TANGO6: variants seen among roughly 807,000 people sequenced by gnomAD.
TANGO6 encodes transport and golgi organization 6 homolog.
Under a neutral mutation model 114.2 loss-of-function variants are expected in TANGO6, and 90 were observed. The ratio of observed to expected loss-of-function variants is 0.79; its 90% confidence interval spans 0.66 to 0.94. TANGO6 has a LOEUF of 0.94. TANGO6 is among the 40% of genes least tolerant of loss of function. The pLI is 0.00. For synonymous variants in TANGO6, 477 were observed against 509.8 expected, an observed-to-expected ratio of 0.94 and a Z score of 0.87; for missense variants, 1,274 against 1,315.3, an observed-to-expected ratio of 0.97 and a Z score of 0.49.
At chr16:69,008,191 C>T (rs754360546) in intron 15 of TANGO6, among the ~76,000 whole-genome samples, 5 of 151,944 alleles carry the variant, frequency 3.3e-5, no homozygotes, top group Non-Finnish European at 7.4e-5. Flanking sequence ...AGCAGAAAAT[C>T]GAGAGAGTTT....
chr16:68,919,364 ATTC>A, intron 12 of TANGO6, 145 bp downstream of exon 12: 1 of 1,129,686 alleles, frequency 8.9e-7, no homozygotes, highest in Admixed American at 2.8e-5. Context: ...GTTAATGAGA[ATTC>A]TCTCCAAAGT....
intron 4 of TANGO6, among the ~76,000 whole-genome samples, chr16:68,874,184 A>G (rs58536198): frequency 0.098 from 14,920 of 152,230 alleles, 824 homozygotes; most frequent in Non-Finnish European, 0.13. Context: ...CTCTCTCTAC[A>G]TGTAACTTCC....
chr16:69,029,919 C>G (rs895123581), intron 16 of TANGO6, among the ~76,000 whole-genome samples: 16 of 151,576 alleles, frequency 1.1e-4, no homozygotes, highest in African/African-American at 3.9e-4. Context: ...ACCAGCCTGG[C>G]CAACATGGTT....
chr16:68,888,392 G>A (rs1412539214), intron 7 of TANGO6, among the ~76,000 whole-genome samples: 1 of 152,190 alleles, frequency 6.6e-6, no homozygotes, highest in East Asian at 1.9e-4. Context: ...ATGTAAGAGA[G>A]TTATAATGCC....
intron 7 of TANGO6, among the ~76,000 whole-genome samples, chr16:68,882,276 C>G (rs1421508803): frequency 6.6e-6 from 1 of 152,024 alleles, no homozygotes; most frequent in African/African-American, 2.4e-5. Context: ...GCGGGCAGAT[C>G]ACGAGGTCAG....
chr16:68,950,572 A>T (rs1230179337), intron 14 of TANGO6, among the ~76,000 whole-genome samples: 1 of 151,180 alleles, frequency 6.6e-6, no homozygotes, highest in East Asian at 1.9e-4. Context: ...TTTAAAAAAA[A>T]AATTTAGGAT....
chr16:68,927,539 G>A, intron 12 of TANGO6, 29 bp from the exon 13 acceptor site: 1 of 1,600,710 alleles, frequency 6.2e-7, no homozygotes, highest in Non-Finnish European at 8.5e-7. Context: ...TGTTAATTTG[G>A]GTTTGACATT....
chr16:68,948,974 G>T (rs1171385639), intron 14 of TANGO6, among the ~76,000 whole-genome samples: 1 of 152,158 alleles, frequency 6.6e-6, no homozygotes, highest in Non-Finnish European at 1.5e-5. Context: ...ATCACCTGAG[G>T]TCGGGAGTTC....
chr16:68,882,911 A>G (rs945212119), intron 7 of TANGO6, among the ~76,000 whole-genome samples: 5 of 152,016 alleles, frequency 3.3e-5, no homozygotes, highest in Non-Finnish European at 7.4e-5. Flanking sequence ...CGAGCTACTC[A>G]GGAGGCTGAG....
chr16:68,896,846 G>T (rs983931238), intron 7 of TANGO6, among the ~76,000 whole-genome samples: 6 of 152,084 alleles, frequency 3.9e-5, no homozygotes, highest in Non-Finnish European at 7.4e-5. Context: ...CTATGTCTCT[G>T]TTTCTATCCG....
At chr16:68,945,946 A>G (rs976695658) in intron 14 of TANGO6, among the ~76,000 whole-genome samples, 1 of 152,068 alleles carries the variant, frequency 6.6e-6, no homozygotes. Context: ...TGGCCTCCCA[A>G]AATGCTAGGA....
chr16:68,870,660 A>T (rs1358340015), intron 4 of TANGO6, among the ~76,000 whole-genome samples: 1 of 152,104 alleles, frequency 6.6e-6, no homozygotes, highest in Non-Finnish European at 1.5e-5. Flanking sequence ...AAATGGTTTG[A>T]GGCAGGTTTA....
rs141110436 is a variant in TANGO6 at position 68,974,523 on chromosome 16, G to A, written c.2842+355G>A. 4.5e-3 allele frequency among the ~76,000 whole-genome samples: 681 copies of A among 152,196 alleles called. 2 individuals carry two copies. Among genetic ancestry groups the A allele is most frequent in the African/African-American group, 0.015 (642 of 41,550 alleles). ...CTAAAAATACAAAAATTAGCTGGGC[G>A]TGGTGGTGTACGCCTGTAATCCCAC... On this transcript the variant is annotated intron_variant, in intron 15 of 17. Transcript: ENST00000261778.
chr16:69,059,809 A>G (rs1960087646), intron 17 of TANGO6, among the ~76,000 whole-genome samples: 1 of 152,212 alleles, frequency 6.6e-6, no homozygotes, highest in Non-Finnish European at 1.5e-5. Context: ...CTATAGCCAG[A>G]GAGATCTTCC....
chr16:68,949,135 G>A (rs1179408743), intron 14 of TANGO6, among the ~76,000 whole-genome samples: 2 of 152,172 alleles, frequency 1.3e-5, no homozygotes, highest in African/African-American at 2.4e-5. Flanking sequence ...GCGGTAAGCC[G>A]AGATCGCGCC....
intron 13 of TANGO6, 74 bp downstream of exon 13, chr16:68,928,157 T>G: frequency 6.9e-7 from 1 of 1,452,198 alleles, no homozygotes. Flanking sequence ...TTTTGGAGCC[T>G]GGACTATGTG....
rs777377276 is a variant in TANGO6, at chr16:68,863,005, G to A, written c.796G>A (p.Val266Ile). 6.9e-6 allele frequency: 11 copies of A among 1,601,184 alleles called. No individual in the cohort carries two copies. The East Asian group carries it at 2.2e-4, about 33-fold the overall frequency. ...GGCCTTGAGAGACATGCTGGATCAA[G>A]TCTATCAGCCCTTAGCAGTCCGGGA... ...RGALRDMLDQVYQPLAVRELL... is the reference protein window; with the variant it reads ...RGALRDMLDQIYQPLAVRELL... Residue 266 changes from valine (V) to isoleucine (I), a missense_variant, in exon 3 of 18, where the codon GTC becomes ATC. Physicochemically the swap from Val to Ile is conservative, Grantham distance 29 (BLOSUM62 3). Coordinates refer to ENST00000261778, the MANE Select transcript of TANGO6 (RefSeq NM_024562.2).
At chr16:68,877,120 C>T (rs1029960839) in intron 5 of TANGO6, among the ~76,000 whole-genome samples, 2 of 152,150 alleles carry the variant, frequency 1.3e-5, no homozygotes, top group Non-Finnish European at 2.9e-5. Context: ...TATTTTCCCA[C>T]ATTTTTACCC....
intron 14 of TANGO6, among the ~76,000 whole-genome samples, chr16:68,945,977 G>A (rs115212081): frequency 0.013 from 1,983 of 151,900 alleles, 47 homozygotes; most frequent in African/African-American, 0.045. Context: ...GAGCCACTGC[G>A]CCCAGCCTCT....
Sources: allele counts gnomAD v4.1 joint callset (sites outside exome capture counted in the v4.1 genomes callset), GRCh38; gene constraint gnomAD v4.1.1; transcripts MANE v1.5; gene names NCBI Gene and HGNC (gene_info 2026-07-23, HGNC 2026-07-21).